Variants in SH3GL1 observed in about 807,000 individuals in gnomAD.
The protein encoded by SH3GL1 is endophilin-A2.
SH3GL1 carries 21 observed loss-of-function variants against 48.8 expected under a neutral mutation model. That is an observed-to-expected ratio of 0.43 (90% CI 0.30 to 0.62). The LOEUF (loss-of-function observed/expected upper bound fraction) is 0.62, where lower values mean the gene tolerates loss of function less well. SH3GL1 is among the 20% of genes least tolerant of loss of function. SH3GL1 has a pLI of 0.11. For missense variants in SH3GL1, 454 were observed against 503.0 expected (o/e 0.90, Z 0.93); for synonymous variants, 282 against 217.5 (o/e 1.30, Z -2.61).
intron 5 of SH3GL1, 81 bp downstream of exon 5, chr19:4,364,007 T>C (rs1250419266): frequency 4.4e-6 from 7 of 1,605,450 alleles, no homozygotes; most frequent in Non-Finnish European, 4.3e-6. Flanking sequence ...GTGCCGAGGC[T>C]GGAGGTGAGG....
rs1161257239 is a variant in SH3GL1, at chr19:4,389,867, G to A, written c.45+10457C>T. On this transcript the variant is annotated intron_variant, in intron 1 of 9. Transcript: ENST00000269886. This position sits in a 1 kb window ranked among gnomAD's most constrained non-coding sequence, Gnocchi z 4.5. ...CCATTGGCATGAAACCATGTGGGGA[G>A]CTGTCCACTTGGGGGCCAGGGCAGA... Among the ~76,000 whole-genome samples the A allele has an allele frequency of 6.6e-6, 1 of 152,248 alleles. No homozygotes were observed. The highest frequency in any genetic ancestry group is 1.9e-4 in the East Asian group (1 of 5,202).
At chr19:4,393,194 G>A in intron 1 of SH3GL1, among the ~76,000 whole-genome samples, 1 of 152,118 alleles carries the variant, frequency 6.6e-6, no homozygotes. Flanking sequence ...CCAGGAGGCG[G>A]AGGTTGCAGT....
Position 4,367,248 on chromosome 19 carries a change from C to T in SH3GL1, c.46-254G>A, listed in dbSNP as rs1280592124. Reference sequence around the variant, plus strand: ...CTGTGTGTGTCCCGACTGCCACTCACATACCCACTGGGGACCCTGCCACAG... The same window carrying T: ...CTGTGTGTGTCCCGACTGCCACTCATATACCCACTGGGGACCCTGCCACAG... On this transcript the variant is annotated intron_variant, in intron 1 of 9. Transcript: ENST00000269886. The surrounding 1 kb of genome is among the most constrained non-coding windows in gnomAD (Gnocchi z 4.2). Among the ~76,000 whole-genome samples, 3 of 152,178 alleles carry T rather than the reference C, an allele frequency of 2.0e-5. No homozygotes were observed. Among genetic ancestry groups the T allele is most frequent in the Non-Finnish European group, 4.4e-5 (3 of 68,006 alleles).
rs1972602944 is a variant in SH3GL1, at chr19:4,361,296, C to T, written c.*304G>A. The T allele has an allele frequency of 2.1e-6, 1 of 474,720 alleles. No individual in the cohort carries two copies. Among genetic ancestry groups the T allele is most frequent in the Non-Finnish European group, 3.8e-6 (1 of 263,504 alleles). 29.4% of individuals were successfully genotyped at this position (474,720 alleles called of 1,614,324 possible). A position where few individuals can be genotyped will look rare whatever the true frequency, so the allele number is the denominator to read the frequency against. On this transcript the variant is annotated 3_prime_UTR_variant, in exon 10 of 10. Transcript: ENST00000269886. ...TGTTTCTAAGAGCACCTTAGTGTTG[C>T]CCCGCCTCGGCCAGCTGGGCGAGAA...
chr19:4,382,006 G>C (rs916768006), intron 1 of SH3GL1, among the ~76,000 whole-genome samples: 6 of 152,018 alleles, frequency 3.9e-5, no homozygotes, highest in Non-Finnish European at 8.8e-5. Flanking sequence ...GTCTTCACTA[G>C]GTCAGACCCT....
chr19:4,369,334 G>C (rs1237715199), intron 1 of SH3GL1, among the ~76,000 whole-genome samples: 4 of 152,248 alleles, frequency 2.6e-5, no homozygotes, highest in African/African-American at 7.2e-5. Flanking sequence ...GCCGGAGAGG[G>C]AAATGAGTGG....
At chr19:4,363,072 G>C (rs904929705) in intron 7 of SH3GL1, among the ~76,000 whole-genome samples, 4 of 152,188 alleles carry the variant, frequency 2.6e-5, no homozygotes, top group Admixed American at 6.5e-5. Context: ...CCTGAAGCAG[G>C]TCTGGCCTCT....
chr19:4,392,569 C>CACACACAA (rs1441284386), intron 1 of SH3GL1, among the ~76,000 whole-genome samples: 1 of 127,500 alleles, frequency 7.8e-6, no homozygotes, highest in African/African-American at 3.1e-5. Context: ...CACACACACA[C>CACACACAA]AAAAGATCAT....
chr19:4,388,390 G>A (rs1455518061), intron 1 of SH3GL1, among the ~76,000 whole-genome samples: 6 of 152,152 alleles, frequency 3.9e-5, no homozygotes, highest in Non-Finnish European at 8.8e-5. Flanking sequence ...CTGGGACAGG[G>A]GACGCAGGCT....
chr19:4,387,252 T>C (rs896487425), intron 1 of SH3GL1, among the ~76,000 whole-genome samples: 1 of 151,406 alleles, frequency 6.6e-6, no homozygotes, highest in African/African-American at 2.4e-5. Flanking sequence ...CTGTATTTCT[T>C]ATTCTGGCAA....
intron 9 of SH3GL1, 152 bp downstream of exon 9, chr19:4,362,177 C>T: frequency 1.2e-6 from 1 of 831,578 alleles, no homozygotes; most frequent in African/African-American, 1.7e-5. Context: ...GGGGTGGCAT[C>T]TTGCAGGCTG....
At position 4,381,966 on chromosome 19, in the gene SH3GL1, G is replaced by A. The variant is rs912305516; in HGVS notation, c.46-14972C>T. On this transcript the variant is annotated intron_variant, in intron 1 of 9. Coordinates refer to ENST00000269886, the MANE Select transcript of SH3GL1 (RefSeq NM_003025.4). ...CTAGTGACTTACAGCCACACACGACGTCTTCAACGACATATTAAAGCAACA... is the reference window on the plus strand; with the variant it reads ...CTAGTGACTTACAGCCACACACGACATCTTCAACGACATATTAAAGCAACA... Among the ~76,000 whole-genome samples the A allele has an allele frequency of 3.9e-5, 6 of 152,048 alleles. No homozygotes were observed. The South Asian group carries it at 6.2e-4, about 16-fold the overall frequency.
chr19:4,392,962 A>T lies in SH3GL1; in HGVS notation c.45+7362T>A, dbSNP rs577958578. Among the ~76,000 whole-genome samples the T allele has an allele frequency of 5.7e-3, 872 of 152,274 alleles. 7 individuals are homozygous for T. Among genetic ancestry groups the T allele is most frequent in the Non-Finnish European group, 9.9e-3 (675 of 68,010 alleles). ...CTGCATCTCAAATACGTAAAATTTT[A>T]AAAAATCATAACAACCCGGGCGTGG... On this transcript the variant is annotated intron_variant, in intron 1 of 9. Coordinates refer to ENST00000269886, the MANE Select transcript of SH3GL1 (RefSeq NM_003025.4).
Position 4,367,139 on chromosome 19 carries a change from C to A in SH3GL1, c.46-145G>T. ...ATCAGGACACACACCTCAGGCACTG[C>A]CGTGGGCACCCCAGGGCCACACGCT... On this transcript the variant is annotated intron_variant, in intron 1 of 9. Transcript: ENST00000269886. The surrounding 1 kb of genome is among the most constrained non-coding windows in gnomAD (Gnocchi z 4.2). The A allele has an allele frequency of 1.3e-6, 1 of 765,538 alleles. No individual in the cohort carries two copies. Among genetic ancestry groups the A allele is most frequent in the Non-Finnish European group, 2.3e-6 (1 of 433,152 alleles). The allele number at this position is 765,538 out of a possible 1,614,324, so 47.4% of individuals were successfully genotyped here. A position where few individuals can be genotyped will look rare whatever the true frequency, so the allele number is the denominator to read the frequency against.
chr19:4,393,272 A>T (rs1271553568), intron 1 of SH3GL1, among the ~76,000 whole-genome samples: 1 of 150,856 alleles, frequency 6.6e-6, no homozygotes, highest in Non-Finnish European at 1.5e-5. Flanking sequence ...AAAACAAAAA[A>T]AACAAAAATA....
intron 3 of SH3GL1, among the ~76,000 whole-genome samples, chr19:4,366,217 G>C (rs895727277): frequency 1.3e-5 from 2 of 152,228 alleles, no homozygotes; most frequent in African/African-American, 4.8e-5. Context: ...CAAGTAAGCT[G>C]GGGGAGAGGC....
intron 1 of SH3GL1, among the ~76,000 whole-genome samples, chr19:4,396,365 C>T (rs1225162067): frequency 6.6e-6 from 1 of 152,216 alleles, no homozygotes; most frequent in Non-Finnish European, 1.5e-5. Flanking sequence ...TGCCATTGTA[C>T]TCCAGCCTGG....
intron 1 of SH3GL1, among the ~76,000 whole-genome samples, chr19:4,382,153 G>A (rs907844021): frequency 6.6e-6 from 1 of 151,686 alleles, no homozygotes; most frequent in Admixed American, 6.6e-5. Flanking sequence ...TCCCTCCATT[G>A]TCAGAGCTAG....
intron 9 of SH3GL1, 40 bp from the exon 10 acceptor site, chr19:4,361,836 C>T (rs1253240667): frequency 1.4e-6 from 2 of 1,416,186 alleles, no homozygotes; most frequent in Non-Finnish European, 2.0e-6. Flanking sequence ...GGCTGCTACG[C>T]CTCACCCCGC....
Sources: allele counts gnomAD v4.1 joint callset (sites outside exome capture counted in the v4.1 genomes callset), GRCh38; gene constraint gnomAD v4.1.1; non-coding constraint Gnocchi (gnomAD v3.1); transcripts MANE v1.5; gene names NCBI Gene and HGNC (gene_info 2026-07-23, HGNC 2026-07-21).